Variants in NID1 observed in about 807,000 individuals in gnomAD.
The protein encoded by NID1 is nidogen-1.
Under a neutral mutation model 130.6 loss-of-function variants are expected in NID1, and 76 were observed. The observed-to-expected ratio is 0.58, with a 90% CI of 0.48 to 0.70. NID1 has a LOEUF of 0.70. Ranked by LOEUF, NID1 falls within the 30% of genes least tolerant of loss-of-function variation. The pLI is 0.00. For synonymous variants in NID1, 665 were observed against 675.1 expected, an observed-to-expected ratio of 0.98 and a Z score of 0.23; for missense variants, 1,517 against 1,664.8, an observed-to-expected ratio of 0.91 and a Z score of 1.54.
chr1:236,041,816 T>C (rs989699224), intron 4 of NID1, 94 bp downstream of exon 4: 1 of 1,458,126 alleles, frequency 6.9e-7, no homozygotes, highest in African/African-American at 1.4e-5. Context: ...CAAACCACCA[T>C]GTAATGCTCA....
intron 1 of NID1, among the ~76,000 whole-genome samples, chr1:236,062,597 G>A (rs185604204): frequency 5.3e-4 from 70 of 132,206 alleles, no homozygotes; most frequent in African/African-American, 1.8e-3. Flanking sequence ...TTGAGCCACT[G>A]TACTCTAGCC....
rs57769010 is a variant in NID1 at position 236,063,153 on chromosome 1, C to CAAAAAAAAAAAAA, written c.225+1689_225+1701dup. Among the ~76,000 whole-genome samples the CAAAAAAAAAAAAA allele has an allele frequency of 1.6e-4, 13 of 79,690 alleles. 1 individual carries two copies. Among genetic ancestry groups the CAAAAAAAAAAAAA allele is most frequent in the African/African-American group, 6.3e-4 (10 of 15,752 alleles). 52.3% of individuals were successfully genotyped at this position (79,690 alleles called of 152,430 possible). A position where few individuals can be genotyped will look rare whatever the true frequency, so the allele number is the denominator to read the frequency against. On this transcript the variant is annotated intron_variant, in intron 1 of 19. Transcript: ENST00000264187. ...TGTGCAACAGAGTGAGACTTCATCTCAAAAAAAAAAAAAAAAAAAAAAGTA... is the reference window on the plus strand; with the variant it reads ...TGTGCAACAGAGTGAGACTTCATCTCAAAAAAAAAAAAAAAAAAAAAAAAAAAAAAAAAAAGTA...
intron 1 of NID1, among the ~76,000 whole-genome samples, chr1:236,064,312 A>G (rs2102856652): frequency 6.6e-6 from 1 of 152,280 alleles, no homozygotes; most frequent in South Asian, 2.1e-4. Context: ...GGACTCTGAA[A>G]CGAGCCCAAC....
At chr1:235,999,659 C>A (rs1658021877) in intron 12 of NID1, among the ~76,000 whole-genome samples, 1 of 152,070 alleles carries the variant, frequency 6.6e-6, no homozygotes, top group African/African-American at 2.4e-5. Flanking sequence ...GGGAAGAAAG[C>A]ATTCAAGACC....
intron 9 of NID1, among the ~76,000 whole-genome samples, chr1:236,021,917 T>C (rs1242942557): frequency 3.9e-5 from 6 of 152,198 alleles, no homozygotes; most frequent in Non-Finnish European, 8.8e-5. Context: ...TAACTGCAAC[T>C]AGAAGATGGA....
chr1:236,006,554 C>G (rs1277057337), intron 12 of NID1, among the ~76,000 whole-genome samples: 1 of 151,952 alleles, frequency 6.6e-6, no homozygotes, highest in Non-Finnish European at 1.5e-5. Flanking sequence ...CTTCAACAGA[C>G]CAAATGCAAG....
chr1:235,990,875 C>G lies in NID1; in HGVS notation c.2928+11G>C, dbSNP rs774401122. ...AGGAGCTGTCACCAGGTATAATCAG[C>G]CAGCACTCACCGGGACATGAAGGAA... On this transcript the variant is annotated intron_variant, in intron 14 of 19. Coordinates refer to ENST00000264187, the MANE Select transcript of NID1 (RefSeq NM_002508.3). The G allele has an allele frequency of 9.3e-6, 15 of 1,613,726 alleles. No individual in the cohort carries two copies. In the Admixed American group the frequency reaches 2.5e-4, roughly 27 times the overall value.
intron 10 of NID1, among the ~76,000 whole-genome samples, chr1:236,015,645 C>G (rs1383987267): frequency 2.2e-5 from 1 of 45,822 alleles, no homozygotes. Flanking sequence ...AAAACCCTGT[C>G]TCAAAAAAAA....
intron 12 of NID1, among the ~76,000 whole-genome samples, chr1:235,994,604 T>A (rs1657867014): frequency 6.6e-6 from 1 of 152,248 alleles, no homozygotes; most frequent in Non-Finnish European, 1.5e-5. Flanking sequence ...ATTTTGCTTA[T>A]CCATTGATGA....
intron 4 of NID1, among the ~76,000 whole-genome samples, chr1:236,038,522 A>G (rs1659329681): frequency 6.6e-6 from 1 of 152,094 alleles, no homozygotes; most frequent in Admixed American, 6.6e-5. Context: ...TAATTATTGA[A>G]AACTGCTAGA....
intron 1 of NID1, among the ~76,000 whole-genome samples, chr1:236,049,558 A>G (rs1288065591): frequency 2.0e-5 from 3 of 152,210 alleles, no homozygotes; most frequent in Non-Finnish European, 4.4e-5. Context: ...CAGAAGGATA[A>G]GGGAAAGGAC....
chr1:236,055,190 G>A (rs1659864612), intron 1 of NID1, among the ~76,000 whole-genome samples: 1 of 151,918 alleles, frequency 6.6e-6, no homozygotes. Context: ...TGTAGTCCCA[G>A]CTACTCGGGA....
intron 14 of NID1, among the ~76,000 whole-genome samples, chr1:235,985,750 G>A (rs1037266748): frequency 1.1e-4 from 16 of 147,616 alleles, no homozygotes; most frequent in Middle Eastern, 6.9e-3. Flanking sequence ...GTGTGTGTGT[G>A]TGTGTATATA....
At chr1:236,021,742 G>A (rs907382325) in intron 9 of NID1, among the ~76,000 whole-genome samples, 8 of 152,176 alleles carry the variant, frequency 5.3e-5, no homozygotes, top group Non-Finnish European at 7.3e-5. Flanking sequence ...TCATTAGTGA[G>A]CCCTCTCACT....
At chr1:235,994,731 CT>C (rs1229974155) in intron 12 of NID1, among the ~76,000 whole-genome samples, 7 of 144,986 alleles carry the variant, frequency 4.8e-5, no homozygotes, top group Middle Eastern at 7.9e-3. Context: ...GAGTCTCGCT[CT>C]GTTGCCCAGG....
intron 5 of NID1, among the ~76,000 whole-genome samples, chr1:236,032,919 T>C (rs1010179630): frequency 1.3e-4 from 20 of 152,256 alleles, no homozygotes; most frequent in African/African-American, 4.8e-4. Flanking sequence ...CGGACAGCCA[T>C]TGAGGAACTG....
At chr1:236,012,190 C>A in intron 11 of NID1, 147 bp from the exon 12 acceptor site, 1 of 903,480 alleles carries the variant, frequency 1.1e-6, no homozygotes, top group South Asian at 1.7e-5. Flanking sequence ...CATTAACTAT[C>A]AAGTCACTAA....
chr1:236,048,007 C>A (rs2385059), intron 2 of NID1, among the ~76,000 whole-genome samples: 18,168 of 113,146 alleles, frequency 0.16, 1,298 homozygotes, highest in Middle Eastern at 0.31. Flanking sequence ...GCCTGGGCAA[C>A]AGAGCAAGAC....
At position 235,980,657 on chromosome 1, in the gene NID1, G is replaced by C. The variant is rs1448554532; in HGVS notation, c.3228-4C>G. On this transcript the variant is annotated splice_polypyrimidine_tract_variant and splice_region_variant and intron_variant, in intron 16 of 19. Coordinates refer to ENST00000264187, the MANE Select transcript of NID1 (RefSeq NM_002508.3). ...CCAGTCTGTCCAGTAAAGGTTCCTG[G>C]AGGAGGAAAAAGGGGGGAAAGAGGA... 1 of 1,609,664 alleles carries C rather than the reference G, an allele frequency of 6.2e-7. No homozygotes were observed. The highest frequency in any genetic ancestry group is 1.7e-5 in the Admixed American group (1 of 58,922).
Sources: gnomAD v4.1 joint callset for allele counts (sites outside exome capture counted in the v4.1 genomes callset) on GRCh38, gnomAD v4.1.1 for gene constraint, MANE v1.5 for transcripts, NCBI Gene and HGNC (gene_info 2026-07-23, HGNC 2026-07-21) for gene names.